RRP1B: variants seen among roughly 807,000 people sequenced by gnomAD.
RRP1B encodes the protein ribosomal RNA processing protein 1 homolog B.
RRP1B carries 56 observed loss-of-function variants against 80.2 expected under a neutral mutation model. That is an observed-to-expected ratio of 0.70 (90% CI 0.56 to 0.87). RRP1B has a LOEUF of 0.87. Ranked by LOEUF, RRP1B falls within the 40% of genes least tolerant of loss-of-function variation. The pLI is 0.00. For synonymous variants in RRP1B, 351 were observed against 357.6 expected (o/e 0.98, Z 0.21); for missense variants, 807 against 939.8 (o/e 0.86, Z 1.85).
At chr21:43,684,897 A>G (rs1346115178) in intron 10 of RRP1B, among the ~76,000 whole-genome samples, 4 of 152,176 alleles carry the variant, frequency 2.6e-5, no homozygotes, top group Non-Finnish European at 4.4e-5. Context: ...AATGATGTGA[A>G]GTCTATTCAT....
chr21:43,693,370 T>A lies in RRP1B; in HGVS notation c.2264T>A (p.Met755Lys). The change falls in exon 16 of 16, where the codon ATG becomes AAG. Residue 755 changes from methionine (M) to lysine (K), a missense_variant. Coordinates refer to ENST00000340648, the MANE Select transcript of RRP1B (RefSeq NM_015056.3). This position sits in a 1 kb window ranked among gnomAD's most constrained non-coding sequence, Gnocchi z 4.1. ...ACACCAAGGAGAAGGCCCAGGGCTA[T>A]GGATTTCTTCTGAGGAGCAGCAGAG... Reference protein sequence around the residue: ...TTTPRRRPRAMDFF With the variant: ...TTTPRRRPRAKDFF 1 of 1,581,464 alleles carries A rather than the reference T, an allele frequency of 6.3e-7. No homozygotes were observed. Among genetic ancestry groups the A allele is most frequent in the South Asian group, 1.1e-5 (1 of 87,516 alleles).
chr21:43,681,818 G>T (rs1244026495), intron 8 of RRP1B, among the ~76,000 whole-genome samples: 1 of 151,678 alleles, frequency 6.6e-6, no homozygotes, highest in Non-Finnish European at 1.5e-5. Flanking sequence ...AAGCGTGATG[G>T]CACATGCCTG....
chr21:43,684,768 C>T (rs146949497), intron 10 of RRP1B, 118 bp downstream of exon 10: 1 of 804,702 alleles, frequency 1.2e-6, no homozygotes, highest in Admixed American at 2.3e-5. Flanking sequence ...TCCTTTAATG[C>T]TTTTGTGTAT....
chr21:43,672,443 T>G lies in RRP1B; in HGVS notation c.271+78T>G. 9 of 1,249,496 alleles carry G rather than the reference T, an allele frequency of 7.2e-6. No homozygotes were observed. In the South Asian group the frequency reaches 1.1e-4, roughly 15 times the overall value. The allele number at this position is 1,249,496 out of a possible 1,614,324, so 77.4% of individuals were successfully genotyped here. ...TAATGGGAACCTTGTGCCGGTATTG[T>G]GTAGATGTCAGGGGACAAGCCATTC... is the stretch of plus-strand genomic sequence containing the variant. On this transcript the variant is annotated intron_variant, in intron 3 of 15. Coordinates refer to ENST00000340648, the MANE Select transcript of RRP1B (RefSeq NM_015056.3).
rs1013630642 is a variant in RRP1B at position 43,674,955 on chromosome 21, G to A, written c.420-79G>A. 6.5e-5 allele frequency: 102 copies of A among 1,557,764 alleles called. No homozygotes were observed. The Middle Eastern group carries it at 1.4e-3, about 21-fold the overall frequency. ...TTGTTAGGCTGTGTAGGTTCTAGACGGAGTATTTTTGTTTCTCTTTGGGAA... is the reference window on the plus strand; with the variant it reads ...TTGTTAGGCTGTGTAGGTTCTAGACAGAGTATTTTTGTTTCTCTTTGGGAA... On this transcript the variant is annotated intron_variant, in intron 5 of 15. Transcript: ENST00000340648.
At chr21:43,666,129 C>T (rs1428681780) in intron 1 of RRP1B, among the ~76,000 whole-genome samples, 2 of 152,228 alleles carry the variant, frequency 1.3e-5, no homozygotes, top group Non-Finnish European at 2.9e-5. Flanking sequence ...GAGGCGGCGG[C>T]TTCTGCCAAT....
Position 43,687,623 on chromosome 21 carries a change from G to A in RRP1B, c.1249G>A (p.Gly417Arg). The A allele has an allele frequency of 2.6e-6, 4 of 1,536,674 alleles. No individual in the cohort carries two copies. Among genetic ancestry groups the A allele is most frequent in the Non-Finnish European group, 3.5e-6 (4 of 1,145,826 alleles). Residue 417 changes from glycine to arginine, a missense_variant, in exon 13 of 16, where the codon GGG becomes AGG. Gly to Arg is a moderately radical substitution (Grantham distance 125). Transcript: ENST00000340648. ...HHLQPENPGP[G>R]GAAPSLEQNR... ...CCTGCAGCCTGAAAATCCAGGCCCA[G>A]GGGGTGCAGCCCCATCCCTGGAACA...
At chr21:43,679,002 G>T (rs2083032813) in intron 8 of RRP1B, among the ~76,000 whole-genome samples, 1 of 152,142 alleles carries the variant, frequency 6.6e-6, no homozygotes, top group African/African-American at 2.4e-5. Flanking sequence ...CACCATTTTT[G>T]AATAGGGTGT....
At position 43,693,188 on chromosome 21, in the gene RRP1B, A is replaced by G. The variant is rs1489735925; in HGVS notation, c.2084-2A>G. ...ATGGGGCCTTGCTCTCATTTGGGAC[A>G]GAATTCAAGAAGACAGACAAGAGTA... On this transcript the variant is annotated splice_acceptor_variant, in intron 15 of 15. Transcript: ENST00000340648. LOFTEE classifies it high-confidence loss of function. This position sits in a 1 kb window ranked among gnomAD's most constrained non-coding sequence, Gnocchi z 4.1. 1.9e-6 allele frequency: 3 copies of G among 1,613,860 alleles called. No homozygotes were observed.
At chr21:43,676,462 C>T in intron 7 of RRP1B, 126 bp downstream of exon 7, 1 of 777,004 alleles carries the variant, frequency 1.3e-6, no homozygotes, top group East Asian at 2.5e-5. Flanking sequence ...CTGGAGAAGA[C>T]AGCCGAAGCT....
chr21:43,661,500 A>G (rs1038881290), intron 1 of RRP1B, among the ~76,000 whole-genome samples: 1 of 152,020 alleles, frequency 6.6e-6, no homozygotes, highest in South Asian at 2.1e-4. Context: ...CCTGGCCCAC[A>G]TCCAGTGGGA....
rs966202265 is a variant in RRP1B, at chr21:43,670,877, G to T, written c.213+911G>T. 1.3e-5 allele frequency among the ~76,000 whole-genome samples: 2 copies of T among 152,282 alleles called. 1 individual carries two copies. Among genetic ancestry groups the T allele is most frequent in the Admixed American group, 1.3e-4 (2 of 15,300 alleles). On this transcript the variant is annotated intron_variant, in intron 2 of 15. Coordinates refer to ENST00000340648, the MANE Select transcript of RRP1B (RefSeq NM_015056.3). ...AGATTTTACTTTTCTGGGTTTTAAT[G>T]TGCAGCCTTGCCACTTCTCCCGTGC...
At chr21:43,672,111 A>G (rs1407094059) in intron 2 of RRP1B, among the ~76,000 whole-genome samples, 197 bp from the exon 3 acceptor site, 1 of 152,258 alleles carries the variant, frequency 6.6e-6, no homozygotes, top group East Asian at 1.9e-4. Context: ...ATACCAAGTT[A>G]GCATAATAGT....
rs773327178 is a variant in RRP1B, at chr21:43,693,348, C to A, written c.2242C>A (p.Pro748Thr). The A allele has an allele frequency of 3.1e-6, 5 of 1,604,512 alleles. No individual in the cohort carries two copies. Among genetic ancestry groups the A allele is most frequent in the Non-Finnish European group, 4.3e-6 (5 of 1,175,172 alleles). The change falls in exon 16 of 16, where the codon CCA (proline) becomes ACA (threonine). Residue 748 changes from proline to threonine, a missense_variant. By Grantham distance (38) the Pro-to-Thr change is conservative. Transcript: ENST00000340648. This position sits in a 1 kb window ranked among gnomAD's most constrained non-coding sequence, Gnocchi z 4.1. Reference protein sequence around the residue: ...LVAKKPLTTTPRRRPRAMDFF With the variant: ...LVAKKPLTTTTRRRPRAMDFF Reference sequence around the variant, plus strand: ...GGCCAAGAAGCCCCTGACCACCACACCAAGGAGAAGGCCCAGGGCTATGGA... The same window carrying A: ...GGCCAAGAAGCCCCTGACCACCACAACAAGGAGAAGGCCCAGGGCTATGGA...
rs202235098 is a variant in RRP1B at position 43,684,403 on chromosome 21, C to A, written c.892-150C>A. On this transcript the variant is annotated intron_variant, in intron 9 of 15. Transcript: ENST00000340648. ...GCATTTTTCAAAGGTAGTGCTTGTG[C>A]TCCTGGTTGCCAAGTCCCAGCACAA... The A allele has an allele frequency of 8.9e-6, 6 of 671,512 alleles. No homozygotes were observed. The East Asian group carries it at 1.6e-4, about 18-fold the overall frequency. 41.6% of individuals were successfully genotyped at this position (671,512 alleles called of 1,614,324 possible).
chr21:43,660,059 C>T (rs1378039511), intron 1 of RRP1B, among the ~76,000 whole-genome samples: 2 of 152,220 alleles, frequency 1.3e-5, no homozygotes, highest in Admixed American at 6.5e-5. Flanking sequence ...GTCCGATTCC[C>T]CAGCCGGCAT....
Position 43,675,049 on chromosome 21 carries a change from C to T in RRP1B, c.435C>T (p.Phe145=), listed in dbSNP as rs1332511739. 3.7e-6 allele frequency: 6 copies of T among 1,613,956 alleles called. No homozygotes were observed. Among genetic ancestry groups the T allele is most frequent in the Non-Finnish European group, 5.1e-6 (6 of 1,179,942 alleles). ...GGTTCTTTAGCCGAATCAAGGTTTT[C>T]TTGGATGTCCTGATGAAGGAGGTCC... ...NGWEESRIKV[F]LDVLMKEVLC... is the part of the protein sequence containing the mutation. The change falls in exon 6 of 16, where the codon TTC becomes TTT. Residue 145 remains phenylalanine (F), a synonymous_variant. Transcript: ENST00000340648.
Position 43,659,836 on chromosome 21 carries a change from G to A in RRP1B, c.130+42G>A. On this transcript the variant is annotated intron_variant, in intron 1 of 15. Coordinates refer to ENST00000340648, the MANE Select transcript of RRP1B (RefSeq NM_015056.3). The surrounding 1 kb of genome is among the most constrained non-coding windows in gnomAD (Gnocchi z 4.2). ...GGTCAGCCGCGCCACATGGCGGGCC[G>A]GGGGCCGGGGCTGGGGCTAGGGCCA... The A allele has an allele frequency of 4.1e-6, 6 of 1,471,068 alleles. No homozygotes were observed. Among genetic ancestry groups the A allele is most frequent in the Non-Finnish European group, 4.5e-6 (5 of 1,103,724 alleles). 91.1% of individuals were successfully genotyped at this position (1,471,068 alleles called of 1,614,324 possible). A position where few individuals can be genotyped will look rare whatever the true frequency, so the allele number is the denominator to read the frequency against.
At chr21:43,671,575 C>CT (rs2082999477) in intron 2 of RRP1B, among the ~76,000 whole-genome samples, 1 of 151,880 alleles carries the variant, frequency 6.6e-6, no homozygotes, top group Non-Finnish European at 1.5e-5. Flanking sequence ...ATTGTGTTGC[C>CT]TAGGCTGGCG....
Sources: allele counts gnomAD v4.1 joint callset (sites outside exome capture counted in the v4.1 genomes callset), GRCh38; gene constraint gnomAD v4.1.1; non-coding constraint Gnocchi (gnomAD v3.1); transcripts MANE v1.5; gene names NCBI Gene and HGNC (gene_info 2026-07-23, HGNC 2026-07-21).